KYNU: variants seen among roughly 807,000 people sequenced by gnomAD.
KYNU encodes kynureninase, also known as L-kynurenine hydrolase.
In KYNU, 54 loss-of-function variants were observed where a neutral mutation model predicts 59.2. The ratio of observed to expected loss-of-function variants is 0.91; its 90% CI spans 0.73 to 1.14. The LOEUF (loss-of-function observed/expected upper bound fraction) is 1.14. Among genes scored for constraint, KYNU ranks in the 50% most tolerant of loss-of-function variants. KYNU has a pLI of 0.00. For synonymous variants in KYNU, 177 were observed against 192.0 expected (o/e 0.92, Z 0.65); for missense variants, 567 against 554.4 (o/e 1.02, Z -0.23).
At chr2:142,980,329 G>GCTT (rs10635189) in intron 8 of KYNU, among the ~76,000 whole-genome samples, 72,328 of 151,604 alleles carry the variant, frequency 0.48, 17,884 homozygotes, top group East Asian at 0.71. Flanking sequence ...GATTTGGCCA[G>GCTT]CTTTACTCAA....
In KYNU at chr2:143,054,322, T is replaced by A. The variant is rs1027830798; in HGVS notation, c.*12150T>A. ...AAAGGCAATTCACAATTCTCTCTTT[T>A]CTCATATATAATATAGAGCATATTA... On this transcript the variant is annotated 3_prime_UTR_variant, in exon 14 of 14. Transcript: ENST00000264170. The A allele has an allele frequency of 6.6e-6, 1 of 152,172 alleles. No individual in the cohort carries two copies. The highest frequency in any genetic ancestry group is 1.5e-5 in the Non-Finnish European group (1 of 68,020). 9.4% of individuals were successfully genotyped at this position (152,172 alleles called of 1,614,324 possible).
chr2:142,897,883 T>C (rs892225561), intron 2 of KYNU, among the ~76,000 whole-genome samples: 2 of 152,198 alleles, frequency 1.3e-5, no homozygotes, highest in African/African-American at 4.8e-5. Context: ...AAATTCTTTT[T>C]TCTTCTCTCT....
intron 1 of KYNU, among the ~76,000 whole-genome samples, chr2:142,882,294 A>G (rs112311533): frequency 4.6e-5 from 7 of 151,574 alleles, no homozygotes; most frequent in African/African-American, 1.5e-4. Flanking sequence ...TCTCTCCTGA[A>G]CTACTGTGTT....
intron 1 of KYNU, among the ~76,000 whole-genome samples, chr2:142,881,009 G>A (rs967373742): frequency 1.3e-5 from 2 of 152,194 alleles, no homozygotes; most frequent in African/African-American, 2.4e-5. Flanking sequence ...ATTGTTATTG[G>A]TGTTCAGAGG....
intron 10 of KYNU, among the ~76,000 whole-genome samples, chr2:142,995,680 T>C (rs1420539159): frequency 2.6e-5 from 4 of 152,198 alleles, no homozygotes; most frequent in Middle Eastern, 3.4e-3. Flanking sequence ...GGGGTGAATG[T>C]ACAGTTTATG....
chr2:143,042,123 T>G lies in KYNU; in HGVS notation c.1349T>G (p.Phe450Cys), dbSNP rs1442774855. The change falls in exon 14 of 14, where the codon TTT becomes TGT. Residue 450 changes from phenylalanine to cysteine, a missense_variant. By Grantham distance (205) the Phe-to-Cys change is radical. Coordinates refer to ENST00000264170, the MANE Select transcript of KYNU (RefSeq NM_003937.3). ...AATTCTTTCCATGATGTTTATAAAT[T>G]TACCAATCTGCTCACTTCTATACTT... ...LYNSFHDVYK[F>C]TNLLTSILDS... The G allele has an allele frequency of 6.2e-7, 1 of 1,610,952 alleles. No individual in the cohort carries two copies. Among genetic ancestry groups the G allele is most frequent in the Non-Finnish European group, 8.5e-7 (1 of 1,178,508 alleles).
chr2:142,950,385 CA>C (rs1683947947), intron 4 of KYNU, among the ~76,000 whole-genome samples: 1 of 152,196 alleles, frequency 6.6e-6, no homozygotes, highest in Non-Finnish European at 1.5e-5. Flanking sequence ...GGGCAAATTA[CA>C]AATGAAAGAG....
chr2:142,906,462 G>C (rs1020615897), intron 2 of KYNU, among the ~76,000 whole-genome samples: 15 of 152,114 alleles, frequency 9.9e-5, no homozygotes, highest in Non-Finnish European at 2.1e-4. Flanking sequence ...TGGAGAACGG[G>C]TCCCACATAA....
intron 2 of KYNU, among the ~76,000 whole-genome samples, chr2:142,912,451 C>T (rs1295521610): frequency 2.1e-5 from 3 of 143,202 alleles, no homozygotes; most frequent in African/African-American, 8.0e-5. Context: ...GCGATCTCGG[C>T]TCACCACAAC....
At chr2:142,903,324 T>G (rs1435296981) in intron 2 of KYNU, among the ~76,000 whole-genome samples, 2 of 152,098 alleles carry the variant, frequency 1.3e-5, no homozygotes, top group African/African-American at 4.8e-5. Context: ...ACTTTAGGAT[T>G]AATTCCTTTT....
intron 10 of KYNU, among the ~76,000 whole-genome samples, chr2:142,991,378 TGTG>T (rs1685393808): frequency 6.6e-6 from 1 of 151,986 alleles, no homozygotes; most frequent in African/African-American, 2.4e-5. Flanking sequence ...TAGCAAGATG[TGTG>T]ACTTCACAAC....
chr2:142,907,149 G>A (rs920483848), intron 2 of KYNU, among the ~76,000 whole-genome samples: 1 of 152,170 alleles, frequency 6.6e-6, no homozygotes, highest in East Asian at 1.9e-4. Context: ...TTTGTTCTTA[G>A]AGCTCCCAAG....
rs1160528820 is a variant in KYNU, at chr2:142,957,647, A to G, written c.514A>G (p.Ile172Val). 3 of 1,591,644 alleles carry G rather than the reference A, an allele frequency of 1.9e-6. No homozygotes were observed. Among genetic ancestry groups the G allele is most frequent in the African/African-American group, 2.7e-5 (2 of 74,458 alleles). ...CATCATCTTTCCTTTTTAGTATGCT[A>G]TTGAGTCACAACTACAACTTCACGG... ...AKAFPSDHYA[I>V]ESQLQLHGLN... Residue 172 changes from isoleucine to valine, a missense_variant, in exon 7 of 14, where the codon ATT becomes GTT. Physicochemically the swap from Ile to Val is conservative, Grantham distance 29. Coordinates refer to ENST00000264170, the MANE Select transcript of KYNU (RefSeq NM_003937.3).
chr2:142,960,807 A>G (rs778506763), intron 8 of KYNU, 37 bp downstream of exon 8: 42 of 1,604,220 alleles, frequency 2.6e-5, no homozygotes, highest in Middle Eastern at 3.3e-4. Context: ...CCTTACTCCA[A>G]ACATCACTCT....
intron 10 of KYNU, among the ~76,000 whole-genome samples, chr2:143,006,361 G>A (rs929628340): frequency 3.3e-5 from 5 of 151,890 alleles, no homozygotes; most frequent in African/African-American, 7.3e-5. Context: ...CTTAAAAAAC[G>A]GCGCACCACG....
intron 10 of KYNU, among the ~76,000 whole-genome samples, chr2:143,016,087 C>T (rs542667721): frequency 2.0e-5 from 3 of 152,244 alleles, no homozygotes; most frequent in East Asian, 3.9e-4. Context: ...TTTCTCTAAA[C>T]GTTCATTCTG....
intron 2 of KYNU, among the ~76,000 whole-genome samples, chr2:142,910,500 A>G (rs1682447304): frequency 6.6e-6 from 1 of 152,004 alleles, no homozygotes. Flanking sequence ...TAGTTTGTGA[A>G]TATCTTCTCC....
At chr2:142,942,629 G>A (rs1017729553) in intron 4 of KYNU, among the ~76,000 whole-genome samples, 2 of 152,214 alleles carry the variant, frequency 1.3e-5, no homozygotes, top group Non-Finnish European at 1.5e-5. Flanking sequence ...GGGGCGTAAG[G>A]CAGGAGAGAT....
intron 10 of KYNU, chr2:142,988,754 G>T (rs981383960): frequency 1.1e-6 from 1 of 893,854 alleles, no homozygotes. Context: ...CTTTTTAAGT[G>T]ATGTCAGTGA....
Sources: gnomAD v4.1 joint callset for allele counts (sites outside exome capture counted in the v4.1 genomes callset) on GRCh38, gnomAD v4.1.1 for gene constraint, MANE v1.5 for transcripts, NCBI Gene and HGNC (gene_info 2026-07-23, HGNC 2026-07-21) for gene names.